Variants in RALGDS observed in about 807,000 individuals in gnomAD.
RALGDS encodes the protein ral guanine nucleotide dissociation stimulator, also known as ral guanine nucleotide exchange factor.
Under a neutral mutation model 99.8 loss-of-function variants are expected in RALGDS, and 44 were observed. The ratio of observed to expected loss-of-function variants is 0.44; its 90% CI spans 0.35 to 0.57. RALGDS has a LOEUF of 0.57. RALGDS is among the 20% of genes least tolerant of loss of function. The probability of loss-of-function intolerance (pLI) is 0.01; values close to 1 mark genes in which losing one functional copy is unlikely to be tolerated. For synonymous variants in RALGDS, 529 were observed against 505.0 expected, an observed-to-expected ratio of 1.05 and a Z score of -0.64; for missense variants, 1,022 against 1,203.1, an observed-to-expected ratio of 0.85 and a Z score of 2.23.
At chr9:133,130,064 CGGG>C (rs1331144073) in intron 1 of RALGDS, among the ~76,000 whole-genome samples, 4 of 152,072 alleles carry the variant, frequency 2.6e-5, no homozygotes, top group Non-Finnish European at 1.5e-5. Flanking sequence ...CTCTGCCTCC[CGGG>C]TTCAAGCGAT....
chr9:133,147,090 C>T (rs1010144424), intron 1 of RALGDS, among the ~76,000 whole-genome samples: 6 of 152,130 alleles, frequency 3.9e-5, no homozygotes, highest in African/African-American at 1.2e-4. Flanking sequence ...GTCCACAGGC[C>T]CCTGGGCTGC....
intron 15 of RALGDS, 55 bp downstream of exon 15, chr9:133,101,883 T>C (rs553133946): frequency 3.2e-6 from 5 of 1,550,742 alleles, no homozygotes; most frequent in Non-Finnish European, 3.5e-6. Flanking sequence ...GCCCCATGCA[T>C]GGATTTGGAG....
At chr9:133,130,980 C>T (rs1295680443) in exon 1 of RALGDS, 1 of 1,535,630 alleles carries the variant, frequency 6.5e-7, no homozygotes, top group African/African-American at 1.4e-5. Context: ...GGGTGGATGC[C>T]CAGTCCCTGG....
chr9:133,099,635 T>C (rs777132434), intron 17 of RALGDS: 1 of 12,334 alleles, frequency 8.1e-5, no homozygotes, highest in Non-Finnish European at 6.1e-4. Context: ...TGCATATATA[T>C]ACACATATAT....
chr9:133,108,686 C>T lies in RALGDS; in HGVS notation c.765G>A (p.Glu255=), dbSNP rs990721391. Residue 255 remains glutamate, a synonymous_variant, in exon 5 of 18, where the codon GAG becomes GAA. Coordinates refer to ENST00000372050, the MANE Select transcript of RALGDS (RefSeq NM_006266.4). ...AGTCCTCCTCACCCTCAGGCTCTGCCTCAATGGGTTCCGAGTGCTCCAGCT... is the reference window on the plus strand; with the variant it reads ...AGTCCTCCTCACCCTCAGGCTCTGCTTCAATGGGTTCCGAGTGCTCCAGCT... ...LAQLEHSEPI[E]AEPEALSPVP... The T allele has an allele frequency of 6.2e-7, 1 of 1,613,604 alleles. No individual in the cohort carries two copies.
rs181501764 is a variant in RALGDS, at chr9:133,097,863, C to G, written c.*724G>C. 1.9e-3 allele frequency: 440 copies of G among 230,056 alleles called. 1 individual carries two copies. Among genetic ancestry groups the G allele is most frequent in the African/African-American group, 9.2e-3 (415 of 45,146 alleles). The allele number at this position is 230,056 out of a possible 1,614,324, so 14.3% of individuals were successfully genotyped here. A position where few individuals can be genotyped will look rare whatever the true frequency, so the allele number is the denominator to read the frequency against. On this transcript the variant is annotated 3_prime_UTR_variant, in exon 18 of 18. Transcript: ENST00000372050. ...TACAAATATTCAATCACCCCACCCC[C>G]ACCCCAAATCCTCCTTCCTCACTAA...
At chr9:133,110,971 G>A (rs1398564339) in intron 2 of RALGDS, among the ~76,000 whole-genome samples, 3 of 152,154 alleles carry the variant, frequency 2.0e-5, no homozygotes, top group Non-Finnish European at 4.4e-5. Flanking sequence ...GGGGAACTGA[G>A]GTGAGAAGAT....
At chr9:133,108,477 G>A (rs1454301238) in intron 5 of RALGDS, 71 bp from the exon 6 acceptor site, 17 of 1,474,718 alleles carry the variant, frequency 1.2e-5, no homozygotes, top group Admixed American at 5.9e-5. Context: ...GAACAGCCCC[G>A]GCTTCCAGAG....
intron 1 of RALGDS, among the ~76,000 whole-genome samples, chr9:133,130,762 A>G (rs1832312146): frequency 6.6e-6 from 1 of 152,204 alleles, no homozygotes; most frequent in Admixed American, 6.5e-5. Context: ...ACAAGTGGAA[A>G]GACTGAGCCC....
At position 133,104,510 on chromosome 9, in the gene RALGDS, C is replaced by G. The variant is rs372245812; in HGVS notation, c.1603-179G>C. On this transcript the variant is annotated intron_variant, in intron 9 of 17. Transcript: ENST00000372050. ...AGCCTGCCTCCCCCTCTGGAAAGTG[C>G]GGATGAGAACTCCGCCTGCTGCATG... 11 of 626,554 alleles carry G rather than the reference C, an allele frequency of 1.8e-5. 1 individual carries two copies. Among genetic ancestry groups the G allele is most frequent in the African/African-American group, 1.1e-4 (6 of 55,258 alleles). 38.8% of individuals were successfully genotyped at this position (626,554 alleles called of 1,614,324 possible). A position where few individuals can be genotyped will look rare whatever the true frequency, so the allele number is the denominator to read the frequency against.
chr9:133,107,515 C>T (rs540385934), intron 6 of RALGDS, among the ~76,000 whole-genome samples: 64 of 152,334 alleles, frequency 4.2e-4, no homozygotes, highest in African/African-American at 1.5e-3. Flanking sequence ...CTCCAACAGG[C>T]GGCTCACGCC....
Position 133,121,143 on chromosome 9 carries a change from G to A in RALGDS, c.12C>T (p.Arg4=). The part of the protein sequence containing the change: MVQ[R]MWAEAAGPAG... ...CAGGCCCGGCCGCCTCGGCCCACATGCGCTGCACCATGGAAGGCTCGCAGC... is the reference window on the plus strand; with the variant it reads ...CAGGCCCGGCCGCCTCGGCCCACATACGCTGCACCATGGAAGGCTCGCAGC... The change falls in exon 1 of 18, where the codon CGC becomes CGT. Residue 4 remains arginine (R), a synonymous_variant. Transcript: ENST00000372050. The A allele has an allele frequency of 2.2e-6, 3 of 1,364,330 alleles. No individual in the cohort carries two copies. In the South Asian group the frequency reaches 4.8e-5, roughly 22 times the overall value. 84.5% of individuals were successfully genotyped at this position (1,364,330 alleles called of 1,614,324 possible).
upstream of RALGDS, chr9:133,131,134 G>T (rs1832321994): frequency 2.8e-6 from 4 of 1,440,290 alleles, no homozygotes; most frequent in Non-Finnish European, 3.6e-6. Context: ...GCAGCACCTC[G>T]CTCCCAGCCC....
intron 1 of RALGDS, among the ~76,000 whole-genome samples, chr9:133,127,905 C>T (rs1359507575): frequency 1.3e-5 from 2 of 152,212 alleles, no homozygotes; most frequent in East Asian, 1.9e-4. Context: ...CAAGGTGTGC[C>T]GATGCCGGGA....
Position 133,144,483 on chromosome 9 carries a change from G to A in RALGDS, c.18+4480C>T, listed in dbSNP as rs1246611894. 2.0e-5 allele frequency among the ~76,000 whole-genome samples: 3 copies of A among 152,212 alleles called. No individual in the cohort carries two copies. Among genetic ancestry groups the A allele is most frequent in the Non-Finnish European group, 4.4e-5 (3 of 68,036 alleles). On this transcript the variant is annotated intron_variant, in intron 1 of 17. Coordinates refer to the RALGDS transcript ENST00000393160. The surrounding 1 kb of genome is among the most constrained non-coding windows in gnomAD (Gnocchi z 4.5). ...TCCCGTGTGTGTCACCCATGAGGTG[G>A]CCGTGCCCCTGGCCTGTTTACAGCT...
chr9:133,120,038 G>T (rs1383141378), intron 1 of RALGDS, among the ~76,000 whole-genome samples: 7 of 152,324 alleles, frequency 4.6e-5, no homozygotes, highest in African/African-American at 1.7e-4. Flanking sequence ...CCAAAGCTCT[G>T]ATGGGCCCTG....
chr9:133,101,425 A>C, intron 16 of RALGDS, 95 bp downstream of exon 16: 6 of 1,595,914 alleles, frequency 3.8e-6, no homozygotes, highest in Non-Finnish European at 5.1e-6. Context: ...CGCCAACTAC[A>C]AGGTAGACCC....
chr9:133,143,788 AT>A (rs1276050677), intron 1 of RALGDS, among the ~76,000 whole-genome samples: 17 of 83,024 alleles, frequency 2.0e-4, no homozygotes, highest in Admixed American at 4.1e-4. Context: ...AACAACAACA[AT>A]AATAATAATA....
At chr9:133,104,420 C>T (rs1355565766) in intron 9 of RALGDS, 89 bp from the exon 10 acceptor site, 1 of 1,200,278 alleles carries the variant, frequency 8.3e-7, no homozygotes, top group Non-Finnish European at 1.2e-6. Context: ...TGGTCGGGTT[C>T]CAGGGCTGAC....
Sources: allele counts gnomAD v4.1 joint callset (sites outside exome capture counted in the v4.1 genomes callset), GRCh38; gene constraint gnomAD v4.1.1; non-coding constraint Gnocchi (gnomAD v3.1); transcripts MANE v1.5; gene names NCBI Gene and HGNC (gene_info 2026-07-23, HGNC 2026-07-21).